ST8SIA4: variants seen among roughly 807,000 people sequenced by gnomAD.
ST8SIA4 encodes the protein ST8 alpha-N-acetyl-neuraminide alpha-2,8-sialyltransferase 4.
In ST8SIA4, 15 loss-of-function variants were observed where a neutral mutation model predicts 33.9. That is an observed-to-expected ratio of 0.44 (90% CI 0.30 to 0.68). The LOEUF is 0.68. ST8SIA4 is among the 30% of genes least tolerant of loss of function. The probability of loss-of-function intolerance (pLI) is 0.10; values close to 1 mark genes in which losing one functional copy is unlikely to be tolerated. For synonymous variants in ST8SIA4, 171 were observed against 151.2 expected, an observed-to-expected ratio of 1.13 and a Z score of -0.96; for missense variants, 321 against 428.0, an observed-to-expected ratio of 0.75 and a Z score of 2.21.
chr5:100,849,506 G>C, intron 4 of ST8SIA4: 1 of 974,008 alleles, frequency 1.0e-6, no homozygotes. Flanking sequence ...TGCTGGCTGA[G>C]CGCGGTGGCT....
At chr5:100,854,523 T>C (rs889323249) in intron 4 of ST8SIA4, among the ~76,000 whole-genome samples, 2 of 151,786 alleles carry the variant, frequency 1.3e-5, no homozygotes, top group African/African-American at 4.8e-5. Context: ...GCAGAGCTTG[T>C]AGTGAGCCGA....
At chr5:100,825,619 A>G (rs1751125179) in intron 4 of ST8SIA4, among the ~76,000 whole-genome samples, 1 of 152,230 alleles carries the variant, frequency 6.6e-6, no homozygotes, top group Non-Finnish European at 1.5e-5. Flanking sequence ...TTATCAGGTC[A>G]GAAACAGGCT....
intron 2 of ST8SIA4, among the ~76,000 whole-genome samples, chr5:100,892,951 T>C (rs1349932856): frequency 6.6e-6 from 1 of 152,054 alleles, no homozygotes; most frequent in Non-Finnish European, 1.5e-5. Flanking sequence ...CATATGTACC[T>C]GTGTAACAAA....
At chr5:100,832,136 C>A (rs542540494) in intron 4 of ST8SIA4, among the ~76,000 whole-genome samples, 2 of 152,174 alleles carry the variant, frequency 1.3e-5, no homozygotes, top group South Asian at 2.1e-4. Flanking sequence ...GTGTGTTCTG[C>A]TCATTGACAT....
At chr5:100,887,117 T>C (rs1752554961) in intron 2 of ST8SIA4, among the ~76,000 whole-genome samples, 1 of 152,072 alleles carries the variant, frequency 6.6e-6, no homozygotes, top group African/African-American at 2.4e-5. Flanking sequence ...GATATGTATA[T>C]TATAATTATC....
At chr5:100,827,279 T>C (rs1453126385) in intron 4 of ST8SIA4, among the ~76,000 whole-genome samples, 1 of 152,202 alleles carries the variant, frequency 6.6e-6, no homozygotes, top group Non-Finnish European at 1.5e-5. Flanking sequence ...TTCAGATGTG[T>C]CATGGATAAT....
At chr5:100,881,403 C>A (rs1369500926) in intron 3 of ST8SIA4, among the ~76,000 whole-genome samples, 2 of 152,106 alleles carry the variant, frequency 1.3e-5, no homozygotes, top group East Asian at 3.8e-4. Flanking sequence ...TGGGAAATAC[C>A]AATGAGAGAA....
chr5:100,893,625 T>C (rs183658376), intron 2 of ST8SIA4, among the ~76,000 whole-genome samples: 3 of 152,260 alleles, frequency 2.0e-5, no homozygotes, highest in Admixed American at 2.0e-4. Context: ...AAAATGTATA[T>C]AGCCTATTTA....
chr5:100,848,365 T>C (rs1211386050), intron 4 of ST8SIA4, among the ~76,000 whole-genome samples: 1 of 150,474 alleles, frequency 6.6e-6, no homozygotes, highest in Non-Finnish European at 1.5e-5. Context: ...TTACATATTA[T>C]ATAATTATAT....
rs1411667128 is a variant in ST8SIA4, at chr5:100,809,084, T to C, written c.*2763A>G. The C allele has an allele frequency of 6.6e-6, 1 of 152,590 alleles. No individual in the cohort carries two copies. The highest frequency in any genetic ancestry group is 1.5e-5 in the Non-Finnish European group (1 of 68,028). The allele number at this position is 152,590 out of a possible 1,614,324, so 9.5% of individuals were successfully genotyped here. On this transcript the variant is annotated 3_prime_UTR_variant, in exon 5 of 5. Coordinates refer to ENST00000231461, the MANE Select transcript of ST8SIA4 (RefSeq NM_005668.6). Reference sequence around the variant, plus strand: ...AATGCATCTATGAGATAAACATCAATGCACAGAACAATGAATGGCTGAGAT... The same window carrying C: ...AATGCATCTATGAGATAAACATCAACGCACAGAACAATGAATGGCTGAGAT...
At chr5:100,898,094 T>C (rs1013965589) in intron 1 of ST8SIA4, among the ~76,000 whole-genome samples, 7 of 152,188 alleles carry the variant, frequency 4.6e-5, no homozygotes, top group African/African-American at 1.7e-4. Flanking sequence ...TAACCACAGA[T>C]TGATATCATT....
rs191662668 is a variant in ST8SIA4 at position 100,856,297 on chromosome 5, G to T, written c.603C>A (p.Gly201=). Residue 201 remains glycine (G), a synonymous_variant, in exon 4 of 5, where the codon GGC becomes GGA. Transcript: ENST00000231461. The stretch of plus-strand genomic sequence containing the variant: ...TTTCTCTGTCACTCTCATTTCGAAA[G>T]CCTCCAAATGCTCTTTGTACAACTG... ...NPSVVQRAFG[G]FRNESDREKF... 1 of 1,614,010 alleles carries T rather than the reference G, an allele frequency of 6.2e-7. No homozygotes were observed. Among genetic ancestry groups the T allele is most frequent in the Non-Finnish European group, 8.5e-7 (1 of 1,179,966 alleles).
chr5:100,860,379 CT>C (rs1479612188), intron 3 of ST8SIA4, among the ~76,000 whole-genome samples: 2 of 152,170 alleles, frequency 1.3e-5, no homozygotes, highest in Non-Finnish European at 2.9e-5. Flanking sequence ...TTTTCTGCCC[CT>C]AAAGGAAGCT....
chr5:100,900,862 C>T (rs1475728167), intron 1 of ST8SIA4, among the ~76,000 whole-genome samples: 2 of 152,214 alleles, frequency 1.3e-5, no homozygotes, highest in African/African-American at 2.4e-5. Context: ...TTCTTTCCCC[C>T]TCGCCGCCGG....
At chr5:100,858,884 C>A (rs1751873979) in intron 3 of ST8SIA4, among the ~76,000 whole-genome samples, 1 of 151,996 alleles carries the variant, frequency 6.6e-6, no homozygotes, top group Non-Finnish European at 1.5e-5. Flanking sequence ...CAGGAAATAA[C>A]AAGACAGAAG....
At chr5:100,900,457 A>G in intron 1 of ST8SIA4, 1 of 456,266 alleles carries the variant, frequency 2.2e-6, no homozygotes, top group Non-Finnish European at 4.4e-6. Context: ...CTCCTCCACC[A>G]GAAGCGCTGT....
At chr5:100,861,445 T>G (rs10515302) in intron 3 of ST8SIA4, among the ~76,000 whole-genome samples, 2,120 of 152,224 alleles carry the variant, frequency 0.014, 119 homozygotes, top group Admixed American at 0.1. Context: ...CCAAGAAATA[T>G]GTTAGACTGT....
intron 3 of ST8SIA4, chr5:100,886,023 A>G (rs1429156387): frequency 4.8e-6 from 5 of 1,041,416 alleles, no homozygotes; most frequent in Non-Finnish European, 5.8e-6. Context: ...ACTAATGAGT[A>G]TGAAGAAGAG....
chr5:100,871,922 C>T (rs965050233), intron 3 of ST8SIA4, among the ~76,000 whole-genome samples: 11 of 151,988 alleles, frequency 7.2e-5, no homozygotes, highest in Non-Finnish European at 4.4e-5. Flanking sequence ...TTTCTGATCC[C>T]TAATCTTTAG....
Sources: allele counts gnomAD v4.1 joint callset (sites outside exome capture counted in the v4.1 genomes callset), GRCh38; gene constraint gnomAD v4.1.1; transcripts MANE v1.5; gene names NCBI Gene and HGNC (gene_info 2026-07-23, HGNC 2026-07-21).